HSD17B4: variants seen among roughly 807,000 people sequenced by gnomAD.
HSD17B4 encodes the protein hydroxysteroid 17-beta dehydrogenase 4, also known as peroxisomal multifunctional enzyme type 2.
A neutral mutation model predicts 101.0 loss-of-function variants in HSD17B4; 70 were observed. That is an observed-to-expected ratio of 0.69 (90% CI 0.57 to 0.85). HSD17B4 has a LOEUF of 0.85. HSD17B4 is among the 40% of genes least tolerant of loss of function. The probability of loss-of-function intolerance (pLI) is 0.00; values close to 1 mark genes in which losing one functional copy is unlikely to be tolerated. For synonymous variants in HSD17B4, 347 were observed against 297.1 expected (o/e 1.17, Z -1.73); for missense variants, 984 against 892.4 (o/e 1.10, Z -1.31).
intron 11 of HSD17B4, 84 bp from the exon 12 acceptor site, chr5:119,496,459 A>T (rs1750655862): frequency 1.2e-6 from 1 of 804,640 alleles, no homozygotes; most frequent in African/African-American, 1.7e-5. Flanking sequence ...ATGTTATAGG[A>T]ATAATTATGT....
chr5:119,471,688 T>C, intron 2 of HSD17B4: 1 of 1,462,320 alleles, frequency 6.8e-7, no homozygotes, highest in Non-Finnish European at 9.2e-7. Flanking sequence ...ACAATGCAGA[T>C]TCTTTGTTTC....
At chr5:119,520,178 T>G (rs1016168521) in intron 17 of HSD17B4, among the ~76,000 whole-genome samples, 2 of 152,022 alleles carry the variant, frequency 1.3e-5, no homozygotes, top group African/African-American at 4.8e-5. Context: ...AACAATGATT[T>G]ATTATTTTCC....
At position 119,456,365 on chromosome 5, in the gene HSD17B4, G is replaced by A. The variant is rs747214551; in HGVS notation, c.109G>A (p.Val37Ile). Residue 37 changes from valine to isoleucine, a missense_variant, in exon 2 of 24, where the codon GTT becomes ATT. By Grantham distance (29) the Val-to-Ile change is conservative. Coordinates refer to ENST00000510025, the MANE Select transcript of HSD17B4 (RefSeq NM_000414.4). ...TTTTGCAGAAAGAGGAGCGTTAGTT[G>A]TTGGTAAGTTGGTGTGTTTTTCTTT... ...LAFAERGALV[V>I]VNDLGGDFKG... is the part of the protein sequence containing the mutation. 1.5e-5 allele frequency: 24 copies of A among 1,596,078 alleles called. No individual in the cohort carries two copies. The East Asian group carries it at 4.7e-4, about 31-fold the overall frequency.
intron 16 of HSD17B4, among the ~76,000 whole-genome samples, chr5:119,509,654 C>A (rs1381337736): frequency 2.0e-5 from 3 of 152,118 alleles, no homozygotes; most frequent in African/African-American, 7.2e-5. Context: ...CCAGGAAACT[C>A]CAGATTCCAT....
At chr5:119,454,360 C>T (rs1196303178) in intron 1 of HSD17B4, among the ~76,000 whole-genome samples, 1 of 151,238 alleles carries the variant, frequency 6.6e-6, no homozygotes, top group Non-Finnish European at 1.5e-5. Context: ...GGCTGGAGTG[C>T]AGTGACCCGA....
chr5:119,527,936 T>G lies in HSD17B4; in HGVS notation c.1767+717T>G, dbSNP rs144765732. On this transcript the variant is annotated intron_variant, in intron 20 of 23. Transcript: ENST00000510025. ...GCTCCAGTAAAATACTAAAAGGACA[T>G]GCAATCATTGTTTTATTTGCAAGTT... 5.3e-3 allele frequency among the ~76,000 whole-genome samples: 802 copies of G among 152,224 alleles called. 10 individuals are homozygous for G. Among genetic ancestry groups the G allele is most frequent in the African/African-American group, 0.018 (765 of 41,568 alleles).
At chr5:119,485,281 G>C (rs1749516050) in intron 8 of HSD17B4, among the ~76,000 whole-genome samples, 1 of 152,036 alleles carries the variant, frequency 6.6e-6, no homozygotes, top group Non-Finnish European at 1.5e-5. Context: ...TTTTAAATTT[G>C]TTTTTCTTTG....
intron 9 of HSD17B4, among the ~76,000 whole-genome samples, chr5:119,490,807 A>T (rs1289696446): frequency 6.6e-6 from 1 of 152,140 alleles, no homozygotes; most frequent in Non-Finnish European, 1.5e-5. Context: ...ACCTCAAATA[A>T]TCTGCCCGCC....
chr5:119,501,967 G>A, intron 13 of HSD17B4, 74 bp from the exon 14 acceptor site: 2 of 864,082 alleles, frequency 2.3e-6, no homozygotes, highest in Non-Finnish European at 4.0e-6. Flanking sequence ...TGTCACTTGC[G>A]AGTAACAGTA....
In HSD17B4 at chr5:119,489,864, T is replaced by C. The variant is rs527946065; in HGVS notation, c.714+581T>C. Reference sequence around the variant, plus strand: ...TTTATTGCAGAGCTTTAAATGTTTATTATAAAAATAATTATCCACACATAA... The same window carrying C: ...TTTATTGCAGAGCTTTAAATGTTTACTATAAAAATAATTATCCACACATAA... On this transcript the variant is annotated intron_variant, in intron 9 of 23. Transcript: ENST00000510025. Among the ~76,000 whole-genome samples, 65 of 152,280 alleles carry C rather than the reference T, an allele frequency of 4.3e-4. 1 individual carries two copies. The highest frequency in any genetic ancestry group is 7.8e-4 in the Non-Finnish European group (53 of 68,016).
At chr5:119,476,006 A>T (rs1748548900) in intron 6 of HSD17B4, 136 bp downstream of exon 6, 1 of 681,482 alleles carries the variant, frequency 1.5e-6, no homozygotes, top group African/African-American at 1.8e-5. Flanking sequence ...AGTAAACTGT[A>T]TACTGAAGAC....
chr5:119,539,157 A>G (rs1754769932), intron 23 of HSD17B4, among the ~76,000 whole-genome samples: 1 of 152,194 alleles, frequency 6.6e-6, no homozygotes, highest in Non-Finnish European at 1.5e-5. Context: ...AATTCTGGAA[A>G]GCACTACAAC....
intron 8 of HSD17B4, 59 bp downstream of exon 8, chr5:119,479,080 CT>C: frequency 7.9e-7 from 1 of 1,269,606 alleles, no homozygotes; most frequent in Non-Finnish European, 1.1e-6. Flanking sequence ...GTGGAATGAG[CT>C]TTACAAAAGT....
chr5:119,454,307 ATT>A (rs5870857), intron 1 of HSD17B4, among the ~76,000 whole-genome samples: 6 of 146,894 alleles, frequency 4.1e-5, no homozygotes, highest in African/African-American at 1.5e-4. Flanking sequence ...AGTTGATTAA[ATT>A]TTTTTTTTTT....
chr5:119,530,118 T>C (rs955468985), intron 21 of HSD17B4, 138 bp downstream of exon 21: 1 of 691,186 alleles, frequency 1.4e-6, no homozygotes, highest in Non-Finnish European at 2.6e-6. Flanking sequence ...AAAACATTAA[T>C]TCAAAACAGC....
chr5:119,500,309 T>C (rs1298928), intron 13 of HSD17B4, among the ~76,000 whole-genome samples: 1 of 151,522 alleles, frequency 6.6e-6, no homozygotes, highest in Non-Finnish European at 1.5e-5. Flanking sequence ...TATATATATA[T>C]AGAGAGAGAG....
At chr5:119,460,037 A>T (rs1286172007) in intron 2 of HSD17B4, among the ~76,000 whole-genome samples, 4 of 146,972 alleles carry the variant, frequency 2.7e-5, no homozygotes, top group Non-Finnish European at 6.0e-5. Context: ...TGCCCAGCTA[A>T]TTTTTTTTTT....
At chr5:119,466,351 C>T (rs1435839935) in intron 2 of HSD17B4, among the ~76,000 whole-genome samples, 1 of 152,150 alleles carries the variant, frequency 6.6e-6, no homozygotes, top group Non-Finnish European at 1.5e-5. Context: ...TGTTCCCTCC[C>T]CCTTCAATTT....
At chr5:119,521,649 TG>T (rs1753121380) in intron 17 of HSD17B4, among the ~76,000 whole-genome samples, 1 of 151,984 alleles carries the variant, frequency 6.6e-6, no homozygotes, top group Non-Finnish European at 1.5e-5. Context: ...TGTTCTCCTT[TG>T]GGTACCTTAT....
Sources: gnomAD v4.1 joint callset for allele counts (sites outside exome capture counted in the v4.1 genomes callset) on GRCh38, gnomAD v4.1.1 for gene constraint, MANE v1.5 for transcripts, NCBI Gene and HGNC (gene_info 2026-07-23, HGNC 2026-07-21) for gene names.